The following OPRD1 variants were observed in gnomAD, a reference collection of about 807,000 sequenced individuals.
The protein encoded by OPRD1 is opioid receptor delta 1.
A neutral mutation model predicts 17.5 loss-of-function variants in OPRD1; 19 were observed. That is an observed-to-expected ratio of 1.09 (90% CI 0.76 to 1.60). The LOEUF is 1.60. Among genes scored for constraint, OPRD1 ranks in the 40% most tolerant of loss-of-function variants. The pLI is 0.00. For synonymous variants in OPRD1, 256 were observed against 240.9 expected, an observed-to-expected ratio of 1.06 and a Z score of -0.58; for missense variants, 483 against 547.2, an observed-to-expected ratio of 0.88 and a Z score of 1.17.
At chr1:28,861,117 G>T (rs1462862370) in intron 2 of OPRD1, among the ~76,000 whole-genome samples, 1 of 152,156 alleles carries the variant, frequency 6.6e-6, no homozygotes, top group Non-Finnish European at 1.5e-5. Context: ...GAAGGTCTTG[G>T]ATTCAGTTAC....
intron 1 of OPRD1, among the ~76,000 whole-genome samples, chr1:28,839,127 T>C (rs2088876331): frequency 6.6e-6 from 1 of 152,154 alleles, no homozygotes; most frequent in Non-Finnish European, 1.5e-5. Context: ...AACAGAAATG[T>C]ATTCTCTCAC....
intron 1 of OPRD1, among the ~76,000 whole-genome samples, chr1:28,827,026 G>A (rs1356780229): frequency 6.6e-6 from 1 of 152,198 alleles, no homozygotes; most frequent in Non-Finnish European, 1.5e-5. Context: ...CAGAAGCGGT[G>A]GCTTACGCCT....
chr1:28,848,105 G>A (rs951331297), intron 1 of OPRD1, among the ~76,000 whole-genome samples: 3 of 151,890 alleles, frequency 2.0e-5, no homozygotes, highest in East Asian at 1.9e-4. Context: ...AAAATTAGCC[G>A]GGCGGGATGG....
chr1:28,852,711 A>C (rs975896402), intron 1 of OPRD1, among the ~76,000 whole-genome samples: 5 of 151,606 alleles, frequency 3.3e-5, no homozygotes, highest in African/African-American at 9.7e-5. Context: ...TTTTCTTTTT[A>C]TTTATTTTTT....
intron 1 of OPRD1, among the ~76,000 whole-genome samples, chr1:28,837,412 G>A (rs1444829571): frequency 6.6e-6 from 1 of 152,148 alleles, no homozygotes; most frequent in Non-Finnish European, 1.5e-5. Context: ...CACTTTGGGA[G>A]GCCAAGGCAG....
rs980591339 is a variant in OPRD1 at position 28,835,145 on chromosome 1, G to T, written c.227+22535G>T. 2.0e-5 allele frequency among the ~76,000 whole-genome samples: 3 copies of T among 152,290 alleles called. No homozygotes were observed. In the East Asian group the frequency reaches 5.8e-4, roughly 29 times the overall value. On this transcript the variant is annotated intron_variant, in intron 1 of 2. Coordinates refer to ENST00000234961, the MANE Select transcript of OPRD1 (RefSeq NM_000911.4). ...CCTGTCCTATTTCCAGAGGTCCAGG[G>T]TCTGATATGCCACATCCTTGTGGGA...
At chr1:28,849,868 A>T (rs1471599920) in intron 1 of OPRD1, among the ~76,000 whole-genome samples, 2 of 148,392 alleles carry the variant, frequency 1.3e-5, no homozygotes, top group Admixed American at 6.8e-5. Context: ...AAAACATGAG[A>T]GTCAAACTTT....
rs971975375 is a variant in OPRD1 at position 28,865,016 on chromosome 1, C to G, written c.*1733C>G. The G allele has an allele frequency of 6.6e-5, 10 of 152,320 alleles. No individual in the cohort carries two copies. The highest frequency in any genetic ancestry group is 1.5e-4 in the Non-Finnish European group (10 of 68,108). The allele number at this position is 152,320 out of a possible 1,614,324, so 9.4% of individuals were successfully genotyped here. On this transcript the variant is annotated 3_prime_UTR_variant, in exon 3 of 3. Transcript: ENST00000234961. ...TTCCCCCCAGGCTCCCCAGGTCCCC[C>G]ACCTGCTCCAGCCCAGCTGTCCCCT...
intron 1 of OPRD1, among the ~76,000 whole-genome samples, chr1:28,858,394 G>A (rs2089078391): frequency 6.6e-6 from 1 of 151,980 alleles, no homozygotes; most frequent in Non-Finnish European, 1.5e-5. Context: ...GATTACAAGC[G>A]TGAGCCACCG....
chr1:28,836,441 G>T (rs1203681886), intron 1 of OPRD1, among the ~76,000 whole-genome samples: 2 of 151,004 alleles, frequency 1.3e-5, no homozygotes, highest in Non-Finnish European at 2.9e-5. Flanking sequence ...TTGAACCTGG[G>T]AGAGGTTGCA....
At chr1:28,814,555 A>G (rs1340740379) in intron 1 of OPRD1, among the ~76,000 whole-genome samples, 1 of 152,210 alleles carries the variant, frequency 6.6e-6, no homozygotes, top group Non-Finnish European at 1.5e-5. Flanking sequence ...CCAGGTGCCC[A>G]AGTCTGGAAA....
rs74065130 is a variant in OPRD1, at chr1:28,863,609, G to A, written c.*326G>A. On this transcript the variant is annotated 3_prime_UTR_variant, in exon 3 of 3. Coordinates refer to ENST00000234961, the MANE Select transcript of OPRD1 (RefSeq NM_000911.4). ...GCTCTACAACTGAGTCCTTAAACAG[G>A]GCATCTCCAGGAAGGCGGGGCTTCA... The A allele has an allele frequency of 9.8e-5, 30 of 306,326 alleles. No homozygotes were observed. The highest frequency in any genetic ancestry group is 6.3e-4 in the African/African-American group (29 of 46,244). The allele number at this position is 306,326 out of a possible 1,614,324, so 19.0% of individuals were successfully genotyped here. A position where few individuals can be genotyped will look rare whatever the true frequency, so the allele number is the denominator to read the frequency against.
At chr1:28,812,974 C>T (rs1569595651) in intron 1 of OPRD1, among the ~76,000 whole-genome samples, 1 of 152,186 alleles carries the variant, frequency 6.6e-6, no homozygotes. Context: ...ACGTCGGAAA[C>T]ATGCCCATGG....
chr1:28,829,621 G>A (rs566260710), intron 1 of OPRD1, among the ~76,000 whole-genome samples: 24 of 152,100 alleles, frequency 1.6e-4, no homozygotes, highest in African/African-American at 2.9e-4. Context: ...CACCCACCTC[G>A]GCCTCCCAAA....
rs2088635275 is a variant in OPRD1 at position 28,812,212 on chromosome 1, G to C, written c.-172G>C. The stretch of plus-strand genomic sequence containing the variant: ...GAGAGCGGGCGGACGCCGGGGGCTG[G>C]GCCGGTGCGGGCGGCGAGGCAGGCG... On this transcript the variant is annotated 5_prime_UTR_variant, in exon 1 of 3. Coordinates refer to ENST00000234961, the MANE Select transcript of OPRD1 (RefSeq NM_000911.4). 9.2e-6 allele frequency: 2 copies of C among 218,286 alleles called. No individual in the cohort carries two copies. Among genetic ancestry groups the C allele is most frequent in the Admixed American group, 6.2e-5 (1 of 16,174 alleles). The allele number at this position is 218,286 out of a possible 1,614,324, so 13.5% of individuals were successfully genotyped here. A position where few individuals can be genotyped will look rare whatever the true frequency, so the allele number is the denominator to read the frequency against.
chr1:28,813,772 G>A (rs1409944675), intron 1 of OPRD1, among the ~76,000 whole-genome samples: 1 of 152,208 alleles, frequency 6.6e-6, no homozygotes, highest in African/African-American at 2.4e-5. Flanking sequence ...CCACCATGCA[G>A]GGCATAGGTC....
intron 1 of OPRD1, among the ~76,000 whole-genome samples, chr1:28,854,315 C>G (rs1436092182): frequency 6.6e-6 from 1 of 152,128 alleles, no homozygotes; most frequent in Non-Finnish European, 1.5e-5. Flanking sequence ...CAGCCTCCAA[C>G]TCCCAGGATC....
intron 1 of OPRD1, among the ~76,000 whole-genome samples, chr1:28,853,559 T>G (rs1048167655): frequency 6.6e-6 from 1 of 152,196 alleles, no homozygotes; most frequent in Admixed American, 6.5e-5. Flanking sequence ...GTAAGCATAT[T>G]CTTTAGAATT....
At chr1:28,841,880 A>ATT (rs397737187) in intron 1 of OPRD1, among the ~76,000 whole-genome samples, 22 of 136,630 alleles carry the variant, frequency 1.6e-4, no homozygotes, top group Non-Finnish European at 1.4e-4. Flanking sequence ...CACCTGGCTA[A>ATT]TTTTTTTTTT....
Sources: allele counts gnomAD v4.1 joint callset (sites outside exome capture counted in the v4.1 genomes callset), GRCh38; gene constraint gnomAD v4.1.1; transcripts MANE v1.5; gene names NCBI Gene and HGNC (gene_info 2026-07-23, HGNC 2026-07-21).